P4HA3: variants seen among roughly 807,000 people sequenced by gnomAD.
The protein encoded by P4HA3 is prolyl 4-hydroxylase subunit alpha-3.
Under a neutral mutation model 66.7 loss-of-function variants are expected in P4HA3, and 60 were observed. That is an observed-to-expected ratio of 0.90 (90% confidence interval 0.73 to 1.12). The LOEUF is 1.12. Among genes scored for constraint, P4HA3 ranks in the 50% most tolerant of loss-of-function variants. The probability of loss-of-function intolerance (pLI) is 0.00; values close to 1 mark genes in which losing one functional copy is unlikely to be tolerated. For synonymous variants in P4HA3, 263 were observed against 274.6 expected, an observed-to-expected ratio of 0.96 and a Z score of 0.42; for missense variants, 683 against 685.8, an observed-to-expected ratio of 1.00 and a Z score of 0.05.
rs1290567057 is a variant in P4HA3 at position 74,304,345 on chromosome 11, A to T, written c.268T>A (p.Phe90Ile). ...GACTGCAGGCGTTTGATGAGAGTAAATGCAAGCAGAGGGTTAGCCACAGGG... is the reference window on the plus strand; with the variant it reads ...GACTGCAGGCGTTTGATGAGAGTAATTGCAAGCAGAGGGTTAGCCACAGGG... ...TTPVANPLLA[F>I]TLIKRLQSDW... The change falls in exon 2 of 13, where the codon TTT becomes ATT. Residue 90 changes from phenylalanine (F) to isoleucine (I), a missense_variant. By Grantham distance (21) the Phe-to-Ile change is conservative. Coordinates refer to ENST00000331597, the MANE Select transcript of P4HA3 (RefSeq NM_182904.5). 1.2e-5 allele frequency: 20 copies of T among 1,614,016 alleles called. No individual in the cohort carries two copies. The Admixed American group carries it at 3.3e-4, about 27-fold the overall frequency.
At chr11:74,295,178 A>G (rs1441143110) in intron 4 of P4HA3, among the ~76,000 whole-genome samples, 2 of 152,220 alleles carry the variant, frequency 1.3e-5, no homozygotes, top group Non-Finnish European at 2.9e-5. Flanking sequence ...ATGTGGAACT[A>G]TAAAAACCCT....
At chr11:74,292,357 T>C (rs1345164758) in intron 4 of P4HA3, among the ~76,000 whole-genome samples, 1 of 152,240 alleles carries the variant, frequency 6.6e-6, no homozygotes. Context: ...TTATTCTTGC[T>C]AGCGGTCTAT....
intron 4 of P4HA3, among the ~76,000 whole-genome samples, chr11:74,295,166 CA>C (rs1861174695): frequency 6.6e-6 from 1 of 151,954 alleles, no homozygotes; most frequent in African/African-American, 2.4e-5. Flanking sequence ...ATATTTAACC[CA>C]ATGTGGAACT....
chr11:74,274,351 G>C (rs971374283), intron 9 of P4HA3, among the ~76,000 whole-genome samples: 19 of 150,504 alleles, frequency 1.3e-4, no homozygotes, highest in African/African-American at 4.7e-4. Context: ...TGTTGCCCAG[G>C]CTGGAGTGCA....
At chr11:74,253,629 G>A (rs1859761483) in intron 15 of P4HA3, 3 of 1,154,886 alleles carry the variant, frequency 2.6e-6, no homozygotes, top group Non-Finnish European at 2.6e-6. Flanking sequence ...CTGGCTCCCG[G>A]TAGACGGGCA....
At chr11:74,279,299 GT>G (rs1860509052) in intron 8 of P4HA3, 88 bp downstream of exon 8, 1 of 1,202,568 alleles carries the variant, frequency 8.3e-7, no homozygotes, top group African/African-American at 1.5e-5. Context: ...ACCTCTGGAG[GT>G]CCCTGAATGG....
chr11:74,302,109 C>A (rs1861426259), intron 3 of P4HA3, among the ~76,000 whole-genome samples: 1 of 152,102 alleles, frequency 6.6e-6, no homozygotes, highest in South Asian at 2.1e-4. Flanking sequence ...TATATAAACA[C>A]CTTAACTACT....
chr11:74,289,434 G>GT (rs981354843), intron 4 of P4HA3, among the ~76,000 whole-genome samples: 5 of 151,654 alleles, frequency 3.3e-5, no homozygotes, highest in South Asian at 2.1e-4. Context: ...CTGTTGAATT[G>GT]TTTTTTCTTT....
At chr11:74,263,246 C>T (rs1472959543), downstream of P4HA3, among the ~76,000 whole-genome samples, 2 of 152,202 alleles carry the variant, frequency 1.3e-5, no homozygotes, top group African/African-American at 2.4e-5. Flanking sequence ...GCAGATCACT[C>T]GACAAGTGTT....
intron 10 of P4HA3, among the ~76,000 whole-genome samples, chr11:74,272,047 C>A (rs80067797): frequency 0.04 from 6,050 of 152,190 alleles, 127 homozygotes; most frequent in Middle Eastern, 0.11. Context: ...AGTGAGCTCA[C>A]ATAATAGATG....
At chr11:74,262,025 C>T (rs769964888), downstream of P4HA3, among the ~76,000 whole-genome samples, 9 of 152,256 alleles carry the variant, frequency 5.9e-5, no homozygotes, top group South Asian at 4.1e-4. Flanking sequence ...AGTCCCATAA[C>T]GTGATAAGCA....
At chr11:74,282,933 G>A (rs894030697) in intron 7 of P4HA3, among the ~76,000 whole-genome samples, 9 of 152,220 alleles carry the variant, frequency 5.9e-5, no homozygotes, top group Admixed American at 4.6e-4. Flanking sequence ...ATCAGGGCTA[G>A]CGGGCCCAGC....
At chr11:74,298,959 G>A (rs913340264) in intron 3 of P4HA3, among the ~76,000 whole-genome samples, 3 of 152,208 alleles carry the variant, frequency 2.0e-5, no homozygotes, top group Non-Finnish European at 2.9e-5. Flanking sequence ...ATTGCTGGTA[G>A]CAATGTGAAG....
At chr11:74,265,087 TAA>T (rs1379365982), downstream of P4HA3, among the ~76,000 whole-genome samples, 1 of 152,176 alleles carries the variant, frequency 6.6e-6, no homozygotes, top group Non-Finnish European at 1.5e-5. Flanking sequence ...GAATGAGCAT[TAA>T]ATATTTAATG....
rs1298423661 is a variant in P4HA3 at position 74,311,555 on chromosome 11, T to G, written c.57A>C (p.Gly19=). The G allele has an allele frequency of 1.9e-6, 3 of 1,541,494 alleles. No homozygotes were observed. Among genetic ancestry groups the G allele is most frequent in the Non-Finnish European group, 8.7e-7 (1 of 1,154,588 alleles). The change falls in exon 1 of 13, where the codon GGA becomes GGC. Residue 19 remains glycine (G), a synonymous_variant. Coordinates refer to ENST00000331597, the MANE Select transcript of P4HA3 (RefSeq NM_182904.5). ...ALLAVLALGT[G]DPERAAARGD... is the part of the protein sequence containing the mutation. ...CCCGAGCCGCAGCCCTTTCTGGGTC[T>G]CCTGTCCCGAGCGCCAGCACCGCCA...
At chr11:74,302,673 G>T in intron 2 of P4HA3, 81 bp from the exon 3 acceptor site, 3 of 1,266,236 alleles carry the variant, frequency 2.4e-6, no homozygotes, top group African/African-American at 1.5e-5. Context: ...ATGACCACCT[G>T]TTCAAATATT....
intron 15 of P4HA3, chr11:74,251,485 A>G (rs1859660059): frequency 1.4e-6 from 2 of 1,439,782 alleles, no homozygotes; most frequent in East Asian, 2.5e-5. Context: ...GGAGTCTTCT[A>G]GCTCTGCTAG....
rs77330252 is a variant in P4HA3, at chr11:74,253,730, C to T, written c.*1319-5729G>A. ...ACATCGGCTTCCCCAGTCCAGGGCT[C>T]CCCTGCTCCTTTCCCTTCCCTGTAC... On this transcript the variant is annotated intron_variant and NMD_transcript_variant, in intron 15 of 15. Transcript: ENST00000524388. 534 of 610,978 alleles carry T rather than the reference C, an allele frequency of 8.7e-4. 6 individuals are homozygous for T. Among genetic ancestry groups the T allele is most frequent in the African/African-American group, 7.7e-3 (415 of 54,154 alleles). 37.8% of individuals were successfully genotyped at this position (610,978 alleles called of 1,614,324 possible). A position where few individuals can be genotyped will look rare whatever the true frequency, so the allele number is the denominator to read the frequency against.
At chr11:74,272,537 G>A (rs60356003) in intron 10 of P4HA3, among the ~76,000 whole-genome samples, 2,564 of 152,282 alleles carry the variant, frequency 0.017, 66 homozygotes, top group African/African-American at 0.056. Context: ...ACCATTGTAA[G>A]TGGAAGCCTT....
Sources: allele counts gnomAD v4.1 joint callset (sites outside exome capture counted in the v4.1 genomes callset), GRCh38; gene constraint gnomAD v4.1.1; transcripts MANE v1.5; gene names NCBI Gene and HGNC (gene_info 2026-07-23, HGNC 2026-07-21).